Variants in XIST observed in about 807,000 individuals in gnomAD.
The protein encoded by XIST is X inactive specific transcript (non-protein coding).
Position 73,837,563 on chromosome X carries a change from T to C in XIST, n.11343-60A>G, listed in dbSNP as rs1922507179. 3 of 492,957 alleles carry C rather than the reference T, an allele frequency of 6.1e-6. No individual in the cohort carries two copies. The Admixed American group carries it at 8.6e-5, about 14-fold the overall frequency. 40.6% of individuals were successfully genotyped at this position (492,957 alleles called of 1,213,427 possible). On this transcript the variant is annotated intron_variant and non_coding_transcript_variant, in intron 1 of 5. Transcript: ENST00000429829. ...GGAAATCTGAATAAAATATGGACTC[T>C]AGTTAATAATAATGTATCAATATTG...
exon 1 of XIST, chrX:73,847,185 C>T (rs977743326): frequency 5.4e-6 from 3 of 557,433 alleles, no homozygotes; most frequent in East Asian, 3.3e-5. Flanking sequence ...TAAGTATGCA[C>T]ATTAACAGTC....
exon 6 of XIST, chrX:73,823,243 A>G: frequency 1.9e-6 from 1 of 521,861 alleles, no homozygotes; most frequent in Non-Finnish European, 3.4e-6. Flanking sequence ...TGAGGAAGTG[A>G]TTTGGGGGAT....
chrX:73,826,335 T>C, exon 6 of XIST: 1 of 559,115 alleles, frequency 1.8e-6, no homozygotes, highest in Non-Finnish European at 3.2e-6. Context: ...ATCACCTATA[T>C]GAATGTCTGC....
At chrX:73,847,318 T>A (rs776769857) in exon 1 of XIST, 1 of 534,508 alleles carries the variant, frequency 1.9e-6, no homozygotes, top group African/African-American at 2.3e-5. Flanking sequence ...TTAAGCAGTA[T>A]AAGAGAAGAA....
chrX:73,848,872 A>C, exon 1 of XIST: 1 of 557,865 alleles, frequency 1.8e-6, no homozygotes, highest in Non-Finnish European at 3.2e-6. Context: ...GGTGGTAGGT[A>C]GTTCACACTA....
chrX:73,826,235 A>G, exon 6 of XIST: 1 of 558,918 alleles, frequency 1.8e-6, no homozygotes, highest in Non-Finnish European at 3.2e-6. Flanking sequence ...TTCTCTAGAG[A>G]GCCTGGCACT....
exon 6 of XIST, chrX:73,827,397 G>C (rs780317832): frequency 1.3e-5 from 7 of 554,619 alleles, no homozygotes; most frequent in Non-Finnish European, 2.3e-5. Context: ...AATACTCAAA[G>C]GTGAGTAGAA....
chrX:73,845,010 C>A lies in XIST; in HGVS notation n.7714G>T, dbSNP rs764325676. On this transcript the variant is annotated non_coding_transcript_exon_variant, in exon 1 of 6. Coordinates refer to ENST00000429829, the Ensembl canonical transcript of XIST. ...AATATAATCACATACGTTAACAGGC[C>A]AGGAAGAGGGGCCTTGGTTATCAGC... 3 of 552,001 alleles carry A rather than the reference C, an allele frequency of 5.4e-6. No homozygotes were observed. In the South Asian group the frequency reaches 6.7e-5, roughly 12 times the overall value. The allele number at this position is 552,001 out of a possible 1,213,427, so 45.5% of individuals were successfully genotyped here. A position where few individuals can be genotyped will look rare whatever the true frequency, so the allele number is the denominator to read the frequency against.
At chrX:73,825,827 A>G in exon 6 of XIST, 2 of 549,408 alleles carry the variant, frequency 3.6e-6, no homozygotes, top group South Asian at 4.6e-5. Flanking sequence ...TATGTTTTAC[A>G]GTGCTTTCAT....
exon 1 of XIST, chrX:73,848,732 T>A: frequency 3.6e-6 from 2 of 558,443 alleles, no homozygotes; most frequent in Non-Finnish European, 6.5e-6. Context: ...CATGAATATA[T>A]GCAATTATGC....
At chrX:73,829,073 T>C (rs1204990311) in exon 5 of XIST, 2 of 555,263 alleles carry the variant, frequency 3.6e-6, no homozygotes, top group Non-Finnish European at 6.5e-6. Context: ...CTTACTTCAT[T>C]CAGCTATCCT....
exon 1 of XIST, chrX:73,848,229 CAA>C: frequency 1.8e-6 from 1 of 556,537 alleles, no homozygotes. Flanking sequence ...TGCTGTAAGA[CAA>C]AAGGAATATG....
exon 1 of XIST, chrX:73,849,318 C>T (rs1379729479): frequency 3.6e-6 from 2 of 557,324 alleles, no homozygotes; most frequent in Non-Finnish European, 6.5e-6. Flanking sequence ...CAACAAAAGA[C>T]GGGTTGTCTG....
exon 1 of XIST, chrX:73,843,357 G>A: frequency 5.4e-6 from 3 of 558,803 alleles, no homozygotes; most frequent in Non-Finnish European, 6.5e-6. Flanking sequence ...CAGTGCCCTT[G>A]ATAATTGTTA....
At chrX:73,821,613 T>C (rs1922117572) in exon 6 of XIST, 1 of 555,248 alleles carries the variant, frequency 1.8e-6, no homozygotes, top group African/African-American at 2.2e-5. Flanking sequence ...GGTAATGTTC[T>C]TAAGACCAAT....
At chrX:73,836,349 C>T (rs1922482615) in intron 2 of XIST, among the ~76,000 whole-genome samples, 1 of 111,473 alleles carries the variant, frequency 9.0e-6, no homozygotes, top group South Asian at 3.7e-4. Flanking sequence ...TTCAAGAATA[C>T]CCTACAGCTA....
At chrX:73,820,675 T>A (rs748379035) in exon 6 of XIST, 2 of 533,627 alleles carry the variant, frequency 3.7e-6, no homozygotes, top group East Asian at 6.6e-5. Context: ...CAGTATATTT[T>A]ATTTTACAAT....
exon 1 of XIST, chrX:73,852,458 A>G (rs779960302): frequency 1.1e-5 from 6 of 546,353 alleles, no homozygotes; most frequent in Non-Finnish European, 2.0e-5. Context: ...AAATGATTCC[A>G]AAGAAAAATT....
Position 73,827,498 on chromosome X carries a change from G to A in XIST, n.12403C>T, listed in dbSNP as rs755112264. On this transcript the variant is annotated non_coding_transcript_exon_variant, in exon 6 of 6. Transcript: ENST00000429829. ...GCAAGAGATGCTGAGGCACGCAGGGGAGGAGAGAGAGAATAGCCCAAGAGA... is the reference window on the plus strand; with the variant it reads ...GCAAGAGATGCTGAGGCACGCAGGGAAGGAGAGAGAGAATAGCCCAAGAGA... 7 of 537,402 alleles carry A rather than the reference G, an allele frequency of 1.3e-5. No individual in the cohort carries two copies. The Admixed American group carries it at 1.7e-4, about 13-fold the overall frequency. The allele number at this position is 537,402 out of a possible 1,213,427, so 44.3% of individuals were successfully genotyped here.
Sources: allele counts gnomAD v4.1 joint callset (sites outside exome capture counted in the v4.1 genomes callset), GRCh38; gene constraint gnomAD v4.1.1; transcripts MANE v1.5; gene names NCBI Gene and HGNC (gene_info 2026-07-23, HGNC 2026-07-21).